Variants in NWD2 observed in about 807,000 individuals in gnomAD.
NWD2 encodes the protein NACHT and WD repeat domain-containing protein 2.
In NWD2, 37 loss-of-function variants were observed where a neutral mutation model predicts 132.7. That is an observed-to-expected ratio of 0.28 (90% CI 0.21 to 0.37). The LOEUF is 0.37. Ranked by LOEUF, NWD2 falls within the 10% of genes least tolerant of loss-of-function variation. The pLI, the probability that NWD2 is intolerant of heterozygous loss-of-function variation, is 1.00. For synonymous variants in NWD2, 705 were observed against 803.0 expected (o/e 0.88, Z 2.06); for missense variants, 1,592 against 2,122.4 (o/e 0.75, Z 4.91).
chr4:37,319,725 A>AG (rs1004199827), intron 1 of NWD2, among the ~76,000 whole-genome samples: 1 of 152,182 alleles, frequency 6.6e-6, no homozygotes, highest in African/African-American at 2.4e-5. Flanking sequence ...TTTATTGAAT[A>AG]GGGGGTCCTT....
intron 1 of NWD2, among the ~76,000 whole-genome samples, chr4:37,324,674 G>C (rs954156415): frequency 6.6e-6 from 1 of 152,044 alleles, no homozygotes; most frequent in Non-Finnish European, 1.5e-5. Flanking sequence ...ATCTAAGGCT[G>C]GAAAATACCC....
intron 3 of NWD2, among the ~76,000 whole-genome samples, chr4:37,363,968 C>A (rs369550022): frequency 3.9e-4 from 55 of 142,194 alleles, no homozygotes; most frequent in South Asian, 4.6e-4. Flanking sequence ...ACTAAAAATA[C>A]AAAAAAAAAA....
At chr4:37,361,468 C>A (rs1220018718) in intron 3 of NWD2, among the ~76,000 whole-genome samples, 1 of 152,124 alleles carries the variant, frequency 6.6e-6, no homozygotes, top group Non-Finnish European at 1.5e-5. Context: ...TCCAACAGCG[C>A]ATCAAAAAGT....
intron 1 of NWD2, among the ~76,000 whole-genome samples, chr4:37,263,005 G>A (rs4832890): frequency 0.29 from 44,062 of 151,938 alleles, 7,258 homozygotes; most frequent in Non-Finnish European, 0.37. Context: ...GAAGTTCATG[G>A]AGCCGAGACC....
intron 1 of NWD2, among the ~76,000 whole-genome samples, chr4:37,276,689 A>T (rs1408239646): frequency 1.3e-5 from 2 of 152,170 alleles, no homozygotes; most frequent in Non-Finnish European, 2.9e-5. Flanking sequence ...ATGCACACGT[A>T]TGTTTATCGC....
At chr4:37,312,347 C>A (rs532629640) in intron 1 of NWD2, among the ~76,000 whole-genome samples, 1 of 149,880 alleles carries the variant, frequency 6.7e-6, no homozygotes, top group East Asian at 1.9e-4. Flanking sequence ...TCCTTCACAT[C>A]CTTTGTAAGT....
chr4:37,382,007 A>G (rs1331108540), intron 3 of NWD2, among the ~76,000 whole-genome samples: 2 of 152,232 alleles, frequency 1.3e-5, no homozygotes, highest in Non-Finnish European at 2.9e-5. Context: ...CACTGTGGGC[A>G]AGCTTGGACT....
intron 3 of NWD2, among the ~76,000 whole-genome samples, chr4:37,412,853 C>T (rs1386351510): frequency 1.3e-5 from 2 of 152,190 alleles, no homozygotes; most frequent in Non-Finnish European, 2.9e-5. Flanking sequence ...TGATCTTTGA[C>T]AATCCTGACA....
At chr4:37,332,048 C>T (rs1375907085) in intron 2 of NWD2, among the ~76,000 whole-genome samples, 2 of 152,132 alleles carry the variant, frequency 1.3e-5, no homozygotes, top group Non-Finnish European at 2.9e-5. Context: ...TTCAGCAAGC[C>T]GTGCCACCAT....
intron 3 of NWD2, among the ~76,000 whole-genome samples, chr4:37,407,637 C>A (rs1721071311): frequency 6.6e-6 from 1 of 152,156 alleles, no homozygotes; most frequent in Non-Finnish European, 1.5e-5. Context: ...ATAGACTTCA[C>A]CTGGATCTTA....
chr4:37,289,431 G>T (rs1202987841), intron 1 of NWD2, among the ~76,000 whole-genome samples: 1 of 152,110 alleles, frequency 6.6e-6, no homozygotes, highest in Non-Finnish European at 1.5e-5. Flanking sequence ...AAAGTTGAAA[G>T]AATTGTACAG....
At chr4:37,322,034 G>A (rs866432105) in intron 1 of NWD2, among the ~76,000 whole-genome samples, 3 of 152,080 alleles carry the variant, frequency 2.0e-5, no homozygotes, top group Admixed American at 1.3e-4. Context: ...TAAACCCATC[G>A]AATGATGAAT....
At chr4:37,321,228 C>A (rs190750048) in intron 1 of NWD2, among the ~76,000 whole-genome samples, 1 of 152,242 alleles carries the variant, frequency 6.6e-6, no homozygotes, top group East Asian at 1.9e-4. Context: ...GTATGAAGCT[C>A]CAATCTAGCA....
chr4:37,257,758 G>A (rs545500529), intron 1 of NWD2, among the ~76,000 whole-genome samples: 82 of 152,176 alleles, frequency 5.4e-4, no homozygotes, highest in African/African-American at 1.8e-3. Flanking sequence ...TTAAAATGAT[G>A]ATTTAATTAC....
intron 3 of NWD2, among the ~76,000 whole-genome samples, chr4:37,405,710 A>G (rs1381503729): frequency 2.0e-5 from 3 of 152,200 alleles, no homozygotes; most frequent in Non-Finnish European, 4.4e-5. Flanking sequence ...GCTCTACTTC[A>G]TAGATTAAAG....
At chr4:37,247,183 G>C (rs1717260974) in intron 1 of NWD2, among the ~76,000 whole-genome samples, 1 of 152,182 alleles carries the variant, frequency 6.6e-6, no homozygotes, top group Non-Finnish European at 1.5e-5. Flanking sequence ...ATCCAAATTG[G>C]AGAGCGGATG....
At chr4:37,373,034 T>C (rs571404063) in intron 3 of NWD2, among the ~76,000 whole-genome samples, 23 of 152,234 alleles carry the variant, frequency 1.5e-4, no homozygotes, top group Non-Finnish European at 2.6e-4. Context: ...ATTTTTAAGA[T>C]ATATGGAGTT....
At chr4:37,276,257 AAAAC>A (rs561196236) in intron 1 of NWD2, among the ~76,000 whole-genome samples, 40 of 152,318 alleles carry the variant, frequency 2.6e-4, no homozygotes, top group African/African-American at 8.2e-4. Context: ...TTACAAGAAA[AAAAC>A]AAACAACCCC....
At chr4:37,245,252 T>C (rs1717211112) in intron 1 of NWD2, 34 bp downstream of exon 1, 1 of 1,508,346 alleles carries the variant, frequency 6.6e-7, no homozygotes, top group East Asian at 2.5e-5. Flanking sequence ...CCGTCCGTCC[T>C]TCTGTCCGTC....
Sources: gnomAD v4.1 joint callset for allele counts (sites outside exome capture counted in the v4.1 genomes callset) on GRCh38, gnomAD v4.1.1 for gene constraint, MANE v1.5 for transcripts, NCBI Gene and HGNC (gene_info 2026-07-23, HGNC 2026-07-21) for gene names.